Variants in NBR1 observed in about 807,000 individuals in gnomAD.
The protein encoded by NBR1 is next to BRCA1 gene 1 protein.
In NBR1, 59 loss-of-function variants were observed where a neutral mutation model predicts 115.5. The ratio of observed to expected loss-of-function variants is 0.51; its 90% confidence interval spans 0.41 to 0.63. The LOEUF (loss-of-function observed/expected upper bound fraction) is 0.63. Among genes scored for constraint, NBR1 ranks in the 30% least tolerant of loss-of-function variants. The probability of loss-of-function intolerance (pLI) is 0.00; values close to 1 mark genes in which losing one functional copy is unlikely to be tolerated. For missense variants in NBR1, 1,043 were observed against 1,150.5 expected (o/e 0.91, Z 1.35); for synonymous variants, 373 against 414.7 (o/e 0.90, Z 1.22).
intron 18 of NBR1, among the ~76,000 whole-genome samples, chr17:43,202,067 C>T (rs1246777451): frequency 6.6e-6 from 1 of 151,148 alleles, no homozygotes; most frequent in Admixed American, 6.7e-5. Flanking sequence ...GTAATCCCAG[C>T]TACTTGGGAG....
At chr17:43,197,132 C>G (rs768280150) in intron 16 of NBR1, 26 bp downstream of exon 16, 1 of 1,609,030 alleles carries the variant, frequency 6.2e-7, no homozygotes, top group South Asian at 1.1e-5. Context: ...TTTCCCCTAC[C>G]TAGCAGGGTG....
chr17:43,192,570 C>T (rs111533651), intron 10 of NBR1, among the ~76,000 whole-genome samples: 63 of 152,140 alleles, frequency 4.1e-4, no homozygotes, highest in African/African-American at 1.4e-3. Context: ...AGGGTTTCAC[C>T]GTGTTAGCCA....
chr17:43,189,878 A>T lies in NBR1; in HGVS notation c.695+76A>T, dbSNP rs2056901976. ...ACCTCCCTGGCTTTCTGTGTAGGTAAAGGGAAATTAATTGTACCCTGTTTC... is the reference window on the plus strand; with the variant it reads ...ACCTCCCTGGCTTTCTGTGTAGGTATAGGGAAATTAATTGTACCCTGTTTC... On this transcript the variant is annotated intron_variant, in intron 8 of 20. Coordinates refer to ENST00000590996, the MANE Select transcript of NBR1 (RefSeq NM_005899.5). 8 of 1,267,054 alleles carry T rather than the reference A, an allele frequency of 6.3e-6. No homozygotes were observed. In the South Asian group the frequency reaches 9.8e-5, roughly 16 times the overall value. The allele number at this position is 1,267,054 out of a possible 1,614,324, so 78.5% of individuals were successfully genotyped here.
intron 2 of NBR1, among the ~76,000 whole-genome samples, chr17:43,177,620 C>CAG (rs1555608087): frequency 1.1e-4 from 16 of 141,570 alleles, no homozygotes; most frequent in African/African-American, 3.6e-4. Flanking sequence ...CACACACACA[C>CAG]AGTTTGGTAT....
chr17:43,192,692 C>A (rs754647921), intron 10 of NBR1, among the ~76,000 whole-genome samples: 10 of 152,152 alleles, frequency 6.6e-5, no homozygotes, highest in Non-Finnish European at 1.5e-4. Flanking sequence ...ATTTTTGACA[C>A]TTGTTTTGTT....
At chr17:43,190,093 C>CA in intron 8 of NBR1, 2 of 213,950 alleles carry the variant, frequency 9.3e-6, no homozygotes, top group East Asian at 1.1e-4. Context: ...TTCCAAATGC[C>CA]TTTTTTTTTT....
chr17:43,191,114 C>T (rs374586158), intron 9 of NBR1, among the ~76,000 whole-genome samples: 30 of 151,988 alleles, frequency 2.0e-4, no homozygotes, highest in African/African-American at 7.0e-4. Flanking sequence ...ATTAGCCAGG[C>T]GTGGTGGTGC....
chr17:43,201,587 C>T (rs2057198085), intron 17 of NBR1, 99 bp from the exon 18 acceptor site: 2 of 712,480 alleles, frequency 2.8e-6, no homozygotes, highest in Non-Finnish European at 2.5e-6. Context: ...TGTGAAGCCT[C>T]TGTAGAGAAT....
At chr17:43,201,394 T>C (rs1183966064) in intron 17 of NBR1, among the ~76,000 whole-genome samples, 1 of 152,234 alleles carries the variant, frequency 6.6e-6, no homozygotes, top group Admixed American at 6.5e-5. Context: ...GCCTTGACTA[T>C]AATGTAAACC....
rs190720640 is a variant in NBR1, at chr17:43,173,747, C to T, written c.-9-2044C>T. Among the ~76,000 whole-genome samples, 61 of 152,272 alleles carry T rather than the reference C, an allele frequency of 4.0e-4. 1 individual carries two copies. The East Asian group carries it at 0.01, about 26-fold the overall frequency. On this transcript the variant is annotated intron_variant, in intron 1 of 20. Coordinates refer to ENST00000590996, the MANE Select transcript of NBR1 (RefSeq NM_005899.5). ...GCTCAAAAGCGAACTGACCTGCTCA[C>T]AGTTTTATGTCTAGTAATGGGCCGG...
chr17:43,182,984 G>A (rs1224882911), intron 5 of NBR1, among the ~76,000 whole-genome samples: 1 of 150,934 alleles, frequency 6.6e-6, no homozygotes, highest in Non-Finnish European at 1.5e-5. Context: ...GGCTCATCTC[G>A]AACTCCTGAC....
intron 5 of NBR1, 114 bp from the exon 6 acceptor site, chr17:43,186,136 T>C: frequency 2.3e-6 from 2 of 854,344 alleles, no homozygotes; most frequent in Non-Finnish European, 3.6e-6. Context: ...CAAACACAAA[T>C]CCTAGTATTT....
intron 4 of NBR1, among the ~76,000 whole-genome samples, chr17:43,180,396 T>C (rs1397907987): frequency 2.0e-5 from 3 of 152,118 alleles, no homozygotes. Context: ...TATCTAAACA[T>C]AGAAAAGGTA....
intron 19 of NBR1, 74 bp downstream of exon 19, chr17:43,202,786 C>G (rs2057232712): frequency 8.3e-7 from 1 of 1,199,914 alleles, no homozygotes; most frequent in Non-Finnish European, 1.2e-6. Context: ...AAAAGAGCCT[C>G]TCACAGTATG....
At chr17:43,192,254 C>T (rs1262777516) in intron 10 of NBR1, among the ~76,000 whole-genome samples, 3 of 151,970 alleles carry the variant, frequency 2.0e-5, no homozygotes, top group Admixed American at 1.3e-4. Flanking sequence ...AACTCCTGAC[C>T]TCATGAATCC....
Position 43,202,976 on chromosome 17 carries a change from C to T in NBR1, c.2621+264C>T, listed in dbSNP as rs142171820. ...TTCAAGATCAGCCTGGCCAACATAGCGAAACCCCATGTCTACTAAAAATAC... is the reference window on the plus strand; with the variant it reads ...TTCAAGATCAGCCTGGCCAACATAGTGAAACCCCATGTCTACTAAAAATAC... On this transcript the variant is annotated intron_variant, in intron 19 of 20. Transcript: ENST00000590996. 5.2e-3 allele frequency among the ~76,000 whole-genome samples: 798 copies of T among 152,042 alleles called. 28 individuals carry two copies. The East Asian group carries it at 0.087, about 17-fold the overall frequency.
chr17:43,200,806 G>C (rs961986680), intron 17 of NBR1, among the ~76,000 whole-genome samples, 198 bp downstream of exon 17: 1 of 151,852 alleles, frequency 6.6e-6, no homozygotes, highest in Admixed American at 6.6e-5. Context: ...TGTTTTAGTT[G>C]GCCTTAAATT....
chr17:43,204,962 C>T (rs943490022), intron 20 of NBR1, among the ~76,000 whole-genome samples: 17 of 151,778 alleles, frequency 1.1e-4, no homozygotes, highest in Non-Finnish European at 1.9e-4. Context: ...GGTGACTGAG[C>T]GAGACCCTGT....
intron 2 of NBR1, chr17:43,176,329 T>C (rs1268020707): frequency 1.3e-5 from 2 of 154,176 alleles, no homozygotes; most frequent in African/African-American, 2.4e-5. Context: ...AGGTCAGAGG[T>C]TGAGTATCTC....
Sources: gnomAD v4.1 joint callset for allele counts (sites outside exome capture counted in the v4.1 genomes callset) on GRCh38, gnomAD v4.1.1 for gene constraint, MANE v1.5 for transcripts, NCBI Gene and HGNC (gene_info 2026-07-23, HGNC 2026-07-21) for gene names.